The following ZNF37A variants were observed in gnomAD, a reference collection of about 807,000 sequenced individuals.
ZNF37A encodes the protein zinc finger protein 37a (KOX 21).
Under a neutral mutation model 12.3 loss-of-function variants are expected in ZNF37A, and 10 were observed. The observed-to-expected ratio is 0.82, with a 90% confidence interval of 0.50 to 1.38. The LOEUF (loss-of-function observed/expected upper bound fraction) is 1.38, where lower values mean the gene tolerates loss of function less well. ZNF37A is among the 40% of genes most tolerant of loss of function. The probability of loss-of-function intolerance (pLI) is 0.00; values close to 1 mark genes in which losing one functional copy is unlikely to be tolerated. For synonymous variants in ZNF37A, 207 were observed against 223.0 expected (o/e 0.93, Z 0.64); for missense variants, 580 against 651.2 (o/e 0.89, Z 1.19).
chr10:38,105,454 C>T (rs1405326004), intron 5 of ZNF37A, among the ~76,000 whole-genome samples: 2 of 152,084 alleles, frequency 1.3e-5, no homozygotes, highest in African/African-American at 4.8e-5. Flanking sequence ...TTAAAAGGGG[C>T]CATTTGACTA....
downstream of ZNF37A, among the ~76,000 whole-genome samples, chr10:38,129,319 A>AAAAAAAAAAAAAAAAAAAACAACAACAAC: frequency 3.4e-5 from 4 of 116,226 alleles, no homozygotes; most frequent in African/African-American, 1.5e-4. Flanking sequence ...AAAAAAAAAA[A>AAAAAAAAAAAAAAAAAAAACAACAACAAC]AAACTATTAT....
chr10:38,107,321 C>T (rs1391616627), intron 5 of ZNF37A, among the ~76,000 whole-genome samples: 4 of 152,128 alleles, frequency 2.6e-5, no homozygotes, highest in African/African-American at 9.7e-5. Context: ...TTTTTGTCAC[C>T]ACCAGGCCTG....
Position 38,118,047 on chromosome 10 carries a change from A to G in ZNF37A, c.896A>G (p.Tyr299Cys), listed in dbSNP as rs763079209. 32 of 1,614,098 alleles carry G rather than the reference A, an allele frequency of 2.0e-5. No homozygotes were observed. The highest frequency in any genetic ancestry group is 2.0e-4 in the South Asian group (18 of 91,076). The change falls in exon 8 of 8, where the codon TAT becomes TGT. Residue 299 changes from tyrosine to cysteine, a missense_variant. Coordinates refer to ENST00000685332, the MANE Select transcript of ZNF37A (RefSeq NM_001324250.3). Reference protein sequence around the residue: ...HQRTHTGGKPYECHECGKTFY... With the variant: ...HQRTHTGGKPCECHECGKTFY... ...AGAACACACACAGGGGGAAAACCCT[A>G]TGAATGTCATGAATGTGGGAAGACC...
Position 38,117,399 on chromosome 10 carries a change from A to T in ZNF37A, c.248A>T (p.Asn83Ile). The change falls in exon 8 of 8, where the codon AAT becomes ATT. Residue 83 changes from asparagine to isoleucine, a missense_variant. Asn to Ile is a moderately radical substitution (Grantham distance 149). Transcript: ENST00000685332. ...FPSQSHLELI[N>I]TSRNYSIMKF... is the part of the protein sequence containing the mutation. Reference sequence around the variant, plus strand: ...TCACTCTGTATTTCAGAATTAATTAATACCAGTAGAAACTATTCAATAATG... The same window carrying T: ...TCACTCTGTATTTCAGAATTAATTATTACCAGTAGAAACTATTCAATAATG... The T allele has an allele frequency of 1.9e-6, 3 of 1,558,796 alleles. No individual in the cohort carries two copies. Among genetic ancestry groups the T allele is most frequent in the Non-Finnish European group, 2.6e-6 (3 of 1,159,440 alleles).
intron 7 of ZNF37A, chr10:38,142,260 C>A (rs2070193710): frequency 6.6e-6 from 1 of 152,022 alleles, no homozygotes; most frequent in East Asian, 1.9e-4. Context: ...ATAGAGTAGA[C>A]AGCATATAAG....
intron 5 of ZNF37A, among the ~76,000 whole-genome samples, chr10:38,105,804 G>C (rs1188418320): frequency 6.6e-6 from 1 of 152,050 alleles, no homozygotes; most frequent in African/African-American, 2.4e-5. Context: ...ATTGTTCATT[G>C]TTGGAGTATT....
intron 7 of ZNF37A, chr10:38,115,505 A>T (rs1248832893): frequency 1.9e-5 from 9 of 462,332 alleles, no homozygotes; most frequent in South Asian, 2.9e-5. Flanking sequence ...TGTTTTTTTT[A>T]AATTGTGATA....
At chr10:38,135,364 G>T (rs2070094440) in intron 7 of ZNF37A, among the ~76,000 whole-genome samples, 1 of 152,194 alleles carries the variant, frequency 6.6e-6, no homozygotes, top group Admixed American at 6.5e-5. Flanking sequence ...TCAGCCTGGT[G>T]ACAGAGTGAG....
chr10:38,129,319 A>AAAAAAAAAAAAAAAAAAAAAAAAAC, downstream of ZNF37A, among the ~76,000 whole-genome samples: 39 of 116,226 alleles, frequency 3.4e-4, no homozygotes, highest in African/African-American at 6.2e-4. Flanking sequence ...AAAAAAAAAA[A>AAAAAAAAAAAAAAAAAAAAAAAAAC]AAACTATTAT....
At chr10:38,141,175 G>A (rs1280031420) in intron 7 of ZNF37A, 1 of 152,158 alleles carries the variant, frequency 6.6e-6, no homozygotes, top group Non-Finnish European at 1.5e-5. Context: ...CAAATATATT[G>A]TTATTTCTGC....
At chr10:38,112,906 C>G (rs1478393603) in intron 5 of ZNF37A, among the ~76,000 whole-genome samples, 1 of 152,060 alleles carries the variant, frequency 6.6e-6, no homozygotes, top group East Asian at 1.9e-4. Flanking sequence ...CTCCCAGGTT[C>G]AAGTGATTCT....
rs1435019793 is a variant in ZNF37A, at chr10:38,095,213, A to C, written c.-209A>C. Reference sequence around the variant, plus strand: ...AGGCCCAGCTGTCTTGGAGCAAAGCAGCTGTTGTGGGGTAAGAAGGGAAGG... The same window carrying C: ...AGGCCCAGCTGTCTTGGAGCAAAGCCGCTGTTGTGGGGTAAGAAGGGAAGG... On this transcript the variant is annotated 5_prime_UTR_variant, in exon 2 of 8. Coordinates refer to ENST00000685332, the MANE Select transcript of ZNF37A (RefSeq NM_001324250.3). 1 of 152,294 alleles carries C rather than the reference A, an allele frequency of 6.6e-6. No homozygotes were observed. The highest frequency in any genetic ancestry group is 1.5e-5 in the Non-Finnish European group (1 of 68,146). The allele number at this position is 152,294 out of a possible 1,614,324, so 9.4% of individuals were successfully genotyped here.
chr10:38,147,544 TTTAG>T (rs1317057780), exon 8 of ZNF37A: 1 of 152,234 alleles, frequency 6.6e-6, no homozygotes. Flanking sequence ...CCCAGTTTTA[TTTAG>T]TTTTGTGGAA....
At chr10:38,146,004 G>A (rs2070248599) in intron 7 of ZNF37A, among the ~76,000 whole-genome samples, 1 of 152,150 alleles carries the variant, frequency 6.6e-6, no homozygotes, top group African/African-American at 2.4e-5. Context: ...GGAGGCTGAG[G>A]CAGGAGAATC....
chr10:38,123,345 T>A lies in ZNF37A; in HGVS notation c.*4508T>A. ...TTAATTTCAATGTTTAAAGACTTGT[T>A]ATTAAAATAATAGCAGTTTCTATAA... On this transcript the variant is annotated 3_prime_UTR_variant, in exon 8 of 8. Coordinates refer to ENST00000685332, the MANE Select transcript of ZNF37A (RefSeq NM_001324250.3). The A allele has an allele frequency of 6.6e-6, 1 of 152,368 alleles. No homozygotes were observed. Among genetic ancestry groups the A allele is most frequent in the Non-Finnish European group, 1.5e-5 (1 of 68,038 alleles). The allele number at this position is 152,368 out of a possible 1,614,324, so 9.4% of individuals were successfully genotyped here.
intron 4 of ZNF37A, 44 bp from the exon 5 acceptor site, chr10:38,096,530 T>C: frequency 6.2e-6 from 9 of 1,461,458 alleles, no homozygotes; most frequent in Non-Finnish European, 8.5e-6. Flanking sequence ...AAGTGGACCT[T>C]TTAAGGCAAG....
At chr10:38,141,245 A>T (rs1411027995) in intron 7 of ZNF37A, 1 of 152,164 alleles carries the variant, frequency 6.6e-6, no homozygotes, top group Non-Finnish European at 1.5e-5. Context: ...TAGTGACTCA[A>T]TTTTAACATA....
At chr10:38,111,356 T>G (rs530548405) in intron 5 of ZNF37A, among the ~76,000 whole-genome samples, 2 of 152,032 alleles carry the variant, frequency 1.3e-5, no homozygotes, top group South Asian at 2.1e-4. Context: ...AGGGGAGAGA[T>G]AGCATTAGGA....
At chr10:38,127,338 C>T (rs918034785), downstream of ZNF37A, among the ~76,000 whole-genome samples, 1 of 152,210 alleles carries the variant, frequency 6.6e-6, no homozygotes, top group African/African-American at 2.4e-5. Flanking sequence ...CATCTTTTCA[C>T]TTACGCTAAC....
Sources: allele counts gnomAD v4.1 joint callset (sites outside exome capture counted in the v4.1 genomes callset), GRCh38; gene constraint gnomAD v4.1.1; transcripts MANE v1.5; gene names NCBI Gene and HGNC (gene_info 2026-07-23, HGNC 2026-07-21).